Variants in CACNA1I observed in about 807,000 individuals in gnomAD.
CACNA1I encodes the protein voltage-dependent T-type calcium channel subunit alpha-1I.
CACNA1I carries 74 observed loss-of-function variants against 201.6 expected under a neutral mutation model. The observed-to-expected ratio is 0.37, with a 90% CI of 0.30 to 0.45. CACNA1I has a LOEUF of 0.45. Among genes scored for constraint, CACNA1I ranks in the 20% least tolerant of loss-of-function variants. The pLI is 1.00. For missense variants in CACNA1I, 2,346 were observed against 3,138.1 expected (o/e 0.75, Z 6.03); for synonymous variants, 1,431 against 1,345.2 (o/e 1.06, Z -1.40).
chr22:39,660,325 G>GT lies in CACNA1I; in HGVS notation c.2605-18dup. The stretch of plus-strand genomic sequence containing the variant: ...GAGCTGGACTGACCTGCATTCTAAC[G>GT]TGACGGATGCTCTCCCAGGGTGACG... On this transcript the variant is annotated intron_variant, in intron 14 of 36. Coordinates refer to ENST00000402142, the MANE Select transcript of CACNA1I (RefSeq NM_021096.4). The GT allele has an allele frequency of 6.2e-7, 1 of 1,600,678 alleles. No homozygotes were observed. The highest frequency in any genetic ancestry group is 2.2e-5 in the East Asian group (1 of 44,752).
At chr22:39,600,912 G>T (rs555879568) in intron 3 of CACNA1I, among the ~76,000 whole-genome samples, 4 of 152,136 alleles carry the variant, frequency 2.6e-5, no homozygotes, top group Non-Finnish European at 5.9e-5. Flanking sequence ...AGCCACTGAC[G>T]CTCTCTAAGC....
chr22:39,625,752 C>T (rs1933882478), intron 4 of CACNA1I, among the ~76,000 whole-genome samples: 1 of 151,958 alleles, frequency 6.6e-6, no homozygotes, highest in Non-Finnish European at 1.5e-5. Context: ...GGTTCTGGTT[C>T]CTCTCTGTGT....
chr22:39,578,860 TGAGGC>T (rs1334412719), intron 1 of CACNA1I, among the ~76,000 whole-genome samples: 9 of 152,198 alleles, frequency 5.9e-5, no homozygotes, highest in African/African-American at 2.2e-4. Flanking sequence ...AGCCAGCTGC[TGAGGC>T]TTCCCAGCCT....
intron 3 of CACNA1I, among the ~76,000 whole-genome samples, chr22:39,608,971 C>T (rs1324006922): frequency 6.6e-6 from 1 of 152,202 alleles, no homozygotes; most frequent in African/African-American, 2.4e-5. Context: ...CTAGGGCTTT[C>T]TAGAAAGATC....
chr22:39,658,433 G>A, intron 11 of CACNA1I, 130 bp downstream of exon 11: 1 of 829,388 alleles, frequency 1.2e-6, no homozygotes, highest in South Asian at 1.8e-5. Flanking sequence ...TATCGAAATA[G>A]TCAAACATTT....
chr22:39,671,383 A>G (rs1176073635), intron 26 of CACNA1I, among the ~76,000 whole-genome samples: 2 of 152,198 alleles, frequency 1.3e-5, no homozygotes, highest in Non-Finnish European at 1.5e-5. Context: ...TGCCCAAATT[A>G]CTCAGCCATA....
chr22:39,604,496 A>G (rs1933153506), intron 3 of CACNA1I, among the ~76,000 whole-genome samples: 1 of 152,090 alleles, frequency 6.6e-6, no homozygotes, highest in Non-Finnish European at 1.5e-5. Flanking sequence ...GAAATTCTTA[A>G]TCATTTATGA....
At position 39,663,707 on chromosome 22, in the gene CACNA1I, A is replaced by AC; in HGVS notation, c.3474-8dup. On this transcript the variant is annotated splice_polypyrimidine_tract_variant and intron_variant, in intron 18 of 36. Coordinates refer to ENST00000402142, the MANE Select transcript of CACNA1I (RefSeq NM_021096.4). ...GCTGACGCTCAGGCAGCCCCCGCCC[A>AC]CCCTGCCCAGGTTCCGGGTCCTGTG... 5.8e-6 allele frequency: 5 copies of AC among 864,840 alleles called. No individual in the cohort carries two copies. The highest frequency in any genetic ancestry group is 2.2e-5 in the Admixed American group (1 of 45,724). The allele number at this position is 864,840 out of a possible 1,614,324, so 53.6% of individuals were successfully genotyped here.
At chr22:39,647,519 C>T (rs1934526350) in intron 8 of CACNA1I, among the ~76,000 whole-genome samples, 1 of 152,248 alleles carries the variant, frequency 6.6e-6, no homozygotes, top group African/African-American at 2.4e-5. Flanking sequence ...TTAAGCCATC[C>T]TCCTGCCTCA....
intron 5 of CACNA1I, among the ~76,000 whole-genome samples, chr22:39,635,345 G>GC (rs559215737): frequency 6.5e-4 from 99 of 152,252 alleles, no homozygotes; most frequent in African/African-American, 2.3e-3. Context: ...CAGAAGGGGG[G>GC]GGGTCCCTGC....
At chr22:39,624,669 G>A (rs1314235053) in intron 4 of CACNA1I, among the ~76,000 whole-genome samples, 1 of 152,168 alleles carries the variant, frequency 6.6e-6, no homozygotes, top group Non-Finnish European at 1.5e-5. Flanking sequence ...AAAGTCCATT[G>A]GTCTAACCCT....
At chr22:39,582,523 G>T (rs1932589174) in intron 1 of CACNA1I, among the ~76,000 whole-genome samples, 1 of 152,092 alleles carries the variant, frequency 6.6e-6, no homozygotes, top group South Asian at 2.1e-4. Context: ...ACCCAGCCCA[G>T]GCAGTCTCTG....
In CACNA1I at chr22:39,656,786, C is replaced by G. The variant is rs1426600391; in HGVS notation, c.1993-1366C>G. 8 of 518,804 alleles carry G rather than the reference C, an allele frequency of 1.5e-5. No individual in the cohort carries two copies. In the East Asian group the frequency reaches 4.4e-4, roughly 28 times the overall value. The allele number at this position is 518,804 out of a possible 1,614,324, so 32.1% of individuals were successfully genotyped here. A position where few individuals can be genotyped will look rare whatever the true frequency, so the allele number is the denominator to read the frequency against. On this transcript the variant is annotated intron_variant, in intron 10 of 36. Transcript: ENST00000402142. ...GCTAGGTGGCTCTGAACAAGTCATT[C>G]CCCCTCCCAGTTTCCCTAGCCTCAG...
At chr22:39,604,432 TG>T (rs1383087955) in intron 3 of CACNA1I, among the ~76,000 whole-genome samples, 1 of 152,138 alleles carries the variant, frequency 6.6e-6, no homozygotes, top group Non-Finnish European at 1.5e-5. Context: ...ACATGCGATG[TG>T]TGCGGTCACA....
intron 1 of CACNA1I, among the ~76,000 whole-genome samples, chr22:39,577,059 C>A (rs930305589): frequency 3.3e-5 from 5 of 152,138 alleles, no homozygotes; most frequent in Non-Finnish European, 7.4e-5. Context: ...TCAAGTTATT[C>A]TCCTGCCTCA....
chr22:39,647,412 A>G (rs1934524266), intron 8 of CACNA1I, among the ~76,000 whole-genome samples: 1 of 151,980 alleles, frequency 6.6e-6, no homozygotes, highest in South Asian at 2.1e-4. Flanking sequence ...GGGCTGTGAG[A>G]GTTACACTTT....
At position 39,686,045 on chromosome 22, in the gene CACNA1I, C is replaced by T. The variant is rs1935858591; in HGVS notation, c.6312C>T (p.Asp2104=). ...SPGCTHHDSM[D]PSDEEGRGGA... ...GCTGCACCCACCACGACTCCATGGA[C>T]CCCTCGGACGAGGAGGGCCGCGGTG... is the stretch of plus-strand genomic sequence containing the variant. The change falls in exon 37 of 37, where the codon GAC becomes GAT. Residue 2104 remains aspartate (D), a synonymous_variant. Transcript: ENST00000402142. The T allele has an allele frequency of 8.1e-7, 1 of 1,237,100 alleles. No individual in the cohort carries two copies. The allele number at this position is 1,237,100 out of a possible 1,614,324, so 76.6% of individuals were successfully genotyped here.
intron 5 of CACNA1I, among the ~76,000 whole-genome samples, chr22:39,635,053 G>A (rs972046802): frequency 7.2e-5 from 11 of 152,138 alleles, no homozygotes; most frequent in African/African-American, 2.7e-4. Context: ...TCCGAGAGAG[G>A]ATTATTGACA....
At position 39,689,605 on chromosome 22, in the gene CACNA1I, G is replaced by A. The variant is rs56111992; in HGVS notation, c.*3200G>A. The A allele has an allele frequency of 3.3e-5, 5 of 152,860 alleles. No homozygotes were observed. The highest frequency in any genetic ancestry group is 7.3e-5 in the Non-Finnish European group (5 of 68,086). The allele number at this position is 152,860 out of a possible 1,614,324, so 9.5% of individuals were successfully genotyped here. A position where few individuals can be genotyped will look rare whatever the true frequency, so the allele number is the denominator to read the frequency against. On this transcript the variant is annotated 3_prime_UTR_variant, in exon 37 of 37. Coordinates refer to ENST00000402142, the MANE Select transcript of CACNA1I (RefSeq NM_021096.4). ...TCTCAGTCGCTGTACAGTTTCTATGGTGTGAATGAACTTCCCTCCTAGTTG... is the reference window on the plus strand; with the variant it reads ...TCTCAGTCGCTGTACAGTTTCTATGATGTGAATGAACTTCCCTCCTAGTTG...
Sources: allele counts gnomAD v4.1 joint callset (sites outside exome capture counted in the v4.1 genomes callset), GRCh38; gene constraint gnomAD v4.1.1; transcripts MANE v1.5; gene names NCBI Gene and HGNC (gene_info 2026-07-23, HGNC 2026-07-21).